DNAH11: variants seen among roughly 807,000 people sequenced by gnomAD.
DNAH11 encodes the protein axonemal beta dynein heavy chain 11.
In DNAH11, 442 loss-of-function variants were observed where a neutral mutation model predicts 526.0. The ratio of observed to expected loss-of-function variants is 0.84; its 90% CI spans 0.78 to 0.91. The LOEUF (loss-of-function observed/expected upper bound fraction) is 0.91. DNAH11 is among the 40% of genes least tolerant of loss of function. DNAH11 has a pLI of 0.00. For synonymous variants in DNAH11, 2,461 were observed against 1,935.9 expected, an observed-to-expected ratio of 1.27 and a Z score of -7.12; for missense variants, 6,989 against 5,448.7, an observed-to-expected ratio of 1.28 and a Z score of -8.90.
At chr7:21,696,050 TTGA>T (rs1185595781) in intron 35 of DNAH11, among the ~76,000 whole-genome samples, 1 of 152,206 alleles carries the variant, frequency 6.6e-6, no homozygotes, top group Non-Finnish European at 1.5e-5. Context: ...TCCTATTTCC[TTGA>T]TGATAAGCTA....
At chr7:21,850,612 T>C (rs1005006598) in intron 66 of DNAH11, among the ~76,000 whole-genome samples, 8 of 140,252 alleles carry the variant, frequency 5.7e-5, no homozygotes, top group South Asian at 2.2e-4. Flanking sequence ...CTTCTTCTTT[T>C]TTTTTTTTTT....
chr7:21,858,657 A>G (rs760307702), intron 68 of DNAH11, among the ~76,000 whole-genome samples: 2 of 152,230 alleles, frequency 1.3e-5, no homozygotes, highest in African/African-American at 2.4e-5. Flanking sequence ...GAAATTATAG[A>G]AAAGGCAAAA....
In DNAH11 at chr7:21,664,463, G is replaced by T. The variant is rs956687961; in HGVS notation, c.5328+5432G>T. On this transcript the variant is annotated intron_variant, in intron 30 of 81. Coordinates refer to ENST00000409508, the MANE Select transcript of DNAH11 (RefSeq NM_001277115.2). ...ATAGATCTTCTAAGTTCTGGGTGAT[G>T]ATTGTGATTATGATTGAGACAGTCT... Among the ~76,000 whole-genome samples the T allele has an allele frequency of 7.9e-5, 12 of 151,620 alleles. 2 individuals carry two copies. The South Asian group carries it at 1.9e-3, about 24-fold the overall frequency.
chr7:21,649,874 C>A (rs1583562318), intron 28 of DNAH11, among the ~76,000 whole-genome samples: 1 of 152,060 alleles, frequency 6.6e-6, no homozygotes, highest in East Asian at 1.9e-4. Flanking sequence ...CCTTGTTGGC[C>A]AGGCTGGTCT....
At chr7:21,629,329 G>T (rs1786491896) in intron 25 of DNAH11, among the ~76,000 whole-genome samples, 2 of 152,058 alleles carry the variant, frequency 1.3e-5, no homozygotes, top group Non-Finnish European at 2.9e-5. Context: ...CCTAAGATAT[G>T]ATCTATTCTG....
intron 2 of DNAH11, among the ~76,000 whole-genome samples, chr7:21,552,665 C>G (rs1402688032): frequency 1.3e-5 from 2 of 152,174 alleles, no homozygotes; most frequent in Non-Finnish European, 2.9e-5. Context: ...TAAGATTTGA[C>G]GAAATACATT....
intron 28 of DNAH11, among the ~76,000 whole-genome samples, chr7:21,650,494 G>T (rs1036150284): frequency 3.4e-5 from 5 of 147,804 alleles, no homozygotes; most frequent in Admixed American, 3.4e-4. Flanking sequence ...GCTGTAAGAG[G>T]TTTCATTTTA....
At chr7:21,788,622 A>G (rs1788296053) in intron 60 of DNAH11, among the ~76,000 whole-genome samples, 1 of 152,196 alleles carries the variant, frequency 6.6e-6, no homozygotes, top group South Asian at 2.1e-4. Flanking sequence ...CAGATGGTCC[A>G]TTCAAACAAC....
At chr7:21,660,933 T>G (rs1304785830) in intron 30 of DNAH11, among the ~76,000 whole-genome samples, 1 of 152,142 alleles carries the variant, frequency 6.6e-6, no homozygotes, top group Non-Finnish European at 1.5e-5. Context: ...TGAATATTAT[T>G]TCTTTATATG....
chr7:21,685,758 C>G (rs1474605469), intron 32 of DNAH11, among the ~76,000 whole-genome samples: 2 of 152,154 alleles, frequency 1.3e-5, no homozygotes, highest in Non-Finnish European at 2.9e-5. Context: ...GAGGTACAGG[C>G]TGGCAGGTGG....
chr7:21,848,028 G>A lies in DNAH11; in HGVS notation c.10897-4439G>A, dbSNP rs866312793. Among the ~76,000 whole-genome samples the A allele has an allele frequency of 1.9e-4, 29 of 152,074 alleles. 1 individual carries two copies. Among genetic ancestry groups the A allele is most frequent in the Middle Eastern group, 6.8e-3 (2 of 294 alleles). ...AAAATACAAAAAAAATTAGCTGGGC[G>A]TGGTGGCGGGTGCCTGTAGTCCCAG... On this transcript the variant is annotated intron_variant, in intron 66 of 81. Transcript: ENST00000409508.
At chr7:21,671,323 G>A (rs184607831) in intron 30 of DNAH11, among the ~76,000 whole-genome samples, 239 of 152,254 alleles carry the variant, frequency 1.6e-3, no homozygotes, top group Non-Finnish European at 3.1e-3. Flanking sequence ...TTCACATCAC[G>A]ATGGCAGAGT....
chr7:21,896,076 C>A (rs563838577), intron 79 of DNAH11, among the ~76,000 whole-genome samples: 23 of 152,212 alleles, frequency 1.5e-4, no homozygotes, highest in Non-Finnish European at 2.6e-4. Context: ...CAGCTTCCCT[C>A]TGAACATCAA....
At chr7:21,811,227 C>T (rs1789500039) in intron 63 of DNAH11, among the ~76,000 whole-genome samples, 1 of 152,050 alleles carries the variant, frequency 6.6e-6, no homozygotes, top group Non-Finnish European at 1.5e-5. Context: ...CTTTGGGAGG[C>T]CATGGCGGGC....
At chr7:21,652,530 A>G (rs1206949331) in intron 28 of DNAH11, among the ~76,000 whole-genome samples, 1 of 149,764 alleles carries the variant, frequency 6.7e-6, no homozygotes, top group Non-Finnish European at 1.5e-5. Flanking sequence ...AGTTGACAAA[A>G]TATTAGTTTA....
intron 8 of DNAH11, among the ~76,000 whole-genome samples, chr7:21,581,187 G>A (rs55750845): frequency 0.23 from 35,696 of 152,092 alleles, 4,582 homozygotes; most frequent in African/African-American, 0.33. Context: ...TTTTGACTAT[G>A]AAGCACCAAA....
At chr7:21,633,849 T>C (rs1174055810) in intron 25 of DNAH11, among the ~76,000 whole-genome samples, 2 of 152,204 alleles carry the variant, frequency 1.3e-5, no homozygotes, top group Non-Finnish European at 2.9e-5. Context: ...AAAGGGTATT[T>C]AGGCAATGAG....
chr7:21,724,056 A>C (rs1784982304), intron 44 of DNAH11, among the ~76,000 whole-genome samples: 1 of 152,228 alleles, frequency 6.6e-6, no homozygotes, highest in Non-Finnish European at 1.5e-5. Context: ...ACTTTAGAAC[A>C]GATGCGTTTT....
chr7:21,900,832 G>A (rs1001850403), intron 81 of DNAH11, 175 bp from the exon 82 acceptor site: 8 of 1,024,796 alleles, frequency 7.8e-6, no homozygotes, highest in Admixed American at 2.8e-5. Context: ...TCCGCTGCAG[G>A]CAGGGTAACC....
Sources: allele counts gnomAD v4.1 joint callset (sites outside exome capture counted in the v4.1 genomes callset), GRCh38; gene constraint gnomAD v4.1.1; transcripts MANE v1.5; gene names NCBI Gene and HGNC (gene_info 2026-07-23, HGNC 2026-07-21).